NSMCE4A: variants seen among roughly 807,000 people sequenced by gnomAD.
NSMCE4A encodes the protein non-structural maintenance of chromosomes element 4 homolog A.
In NSMCE4A, 40 loss-of-function variants were observed where a neutral mutation model predicts 47.9. That is an observed-to-expected ratio of 0.83 (90% confidence interval 0.65 to 1.09). The LOEUF (loss-of-function observed/expected upper bound fraction) is 1.09, where lower values mean the gene tolerates loss of function less well. Among genes scored for constraint, NSMCE4A ranks in the 50% least tolerant of loss-of-function variants. NSMCE4A has a pLI of 0.00. For synonymous variants in NSMCE4A, 166 were observed against 178.5 expected, an observed-to-expected ratio of 0.93 and a Z score of 0.56; for missense variants, 500 against 507.0, an observed-to-expected ratio of 0.99 and a Z score of 0.13.
chr10:121,972,593 C>G (rs192367501), intron 2 of NSMCE4A, among the ~76,000 whole-genome samples: 1 of 152,098 alleles, frequency 6.6e-6, no homozygotes, highest in Admixed American at 6.5e-5. Flanking sequence ...CTGGAAATAG[C>G]TGAGGGGGGA....
chr10:121,958,000 C>T (rs189583731), intron 10 of NSMCE4A, among the ~76,000 whole-genome samples: 16 of 151,728 alleles, frequency 1.1e-4, no homozygotes, highest in Admixed American at 3.3e-4. Flanking sequence ...GAGGCCGAGG[C>T]GGGCGGACCA....
chr10:121,961,461 T>C lies in NSMCE4A; in HGVS notation c.901A>G (p.Thr301Ala). 1 of 1,580,182 alleles carries C rather than the reference T, an allele frequency of 6.3e-7. No homozygotes were observed. The highest frequency in any genetic ancestry group is 8.5e-7 in the Non-Finnish European group (1 of 1,171,222). The change falls in exon 7 of 11, where the codon ACA (threonine) becomes GCA (alanine). Residue 301 changes from threonine to alanine, a missense_variant. By Grantham distance (58) the Thr-to-Ala change is moderately conservative. Coordinates refer to ENST00000369023, the MANE Select transcript of NSMCE4A (RefSeq NM_017615.3). ...FVVDPHSFPR[T>A]VENIFHVSFI... ...GAAACATGAAAGATGTTTTCCACTG[T>C]ACGGGGGAAAGAATGAGGATCAACC...
At chr10:121,964,964 G>A (rs1335117734) in intron 5 of NSMCE4A, among the ~76,000 whole-genome samples, 1 of 152,128 alleles carries the variant, frequency 6.6e-6, no homozygotes, top group Non-Finnish European at 1.5e-5. Context: ...GCATATAACA[G>A]GTAGAGGCTG....
At chr10:121,970,244 G>A (rs536422020) in intron 3 of NSMCE4A, among the ~76,000 whole-genome samples, 65 of 151,768 alleles carry the variant, frequency 4.3e-4, no homozygotes, top group African/African-American at 1.3e-3. Context: ...AAGCCAAGGC[G>A]GGCAGATCAC....
intron 4 of NSMCE4A, chr10:121,967,298 G>A: frequency 5.7e-6 from 1 of 175,756 alleles, no homozygotes; most frequent in East Asian, 1.6e-4. Context: ...CCAGGCTCAA[G>A]TGATCCTCCC....
At chr10:121,967,920 G>T in intron 3 of NSMCE4A, 114 bp from the exon 4 acceptor site, 1 of 1,046,070 alleles carries the variant, frequency 9.6e-7, no homozygotes, top group Non-Finnish European at 1.4e-6. Flanking sequence ...CCAGCTTTCA[G>T]TGTCTTAACA....
chr10:121,957,437 T>C (rs1172878337), intron 10 of NSMCE4A, among the ~76,000 whole-genome samples, 178 bp from the exon 11 acceptor site: 22 of 119,552 alleles, frequency 1.8e-4, no homozygotes, highest in African/African-American at 3.5e-4. Context: ...TTCTTTTTTT[T>C]TTTTTTTTTT....
At chr10:121,969,710 T>A (rs372796560) in intron 3 of NSMCE4A, among the ~76,000 whole-genome samples, 3 of 152,154 alleles carry the variant, frequency 2.0e-5, no homozygotes, top group Non-Finnish European at 2.9e-5. Context: ...GATTGACAGA[T>A]TGACTGATTG....
intron 2 of NSMCE4A, among the ~76,000 whole-genome samples, chr10:121,971,881 T>C (rs1298121652): frequency 6.6e-6 from 1 of 152,234 alleles, no homozygotes; most frequent in Non-Finnish European, 1.5e-5. Context: ...CTCATGCCTC[T>C]GTATGGCTTC....
At chr10:121,964,145 T>C (rs1176403008) in intron 5 of NSMCE4A, among the ~76,000 whole-genome samples, 13 of 144,772 alleles carry the variant, frequency 9.0e-5, no homozygotes, top group Non-Finnish European at 1.7e-4. Flanking sequence ...TTCAGTAACT[T>C]TTTTTTTTTT....
rs139294636 is a variant in NSMCE4A, at chr10:121,970,939, T to C, written c.501A>G (p.Leu167=). The change falls in exon 3 of 11, where the codon CTA becomes CTG. Residue 167 remains leucine, a splice_region_variant and synonymous_variant. Coordinates refer to ENST00000369023, the MANE Select transcript of NSMCE4A (RefSeq NM_017615.3). ...TCAGAGTCTGTAGCTTTGAACTTAC[T>C]AGAGTTTCAACATATCTTAACATGT... ...SFDMLRYVET[L]LTHMGVNPLE... The C allele has an allele frequency of 2.9e-3, 4,607 of 1,605,776 alleles. 14 individuals are homozygous for C. The highest frequency in any genetic ancestry group is 3.5e-3 in the Non-Finnish European group (4,087 of 1,176,132).
chr10:121,963,272 G>T lies in NSMCE4A; in HGVS notation c.810C>A (p.Ile270=). Reference sequence around the variant, plus strand: ...GAAAATATGTCTGCAACAATCCCAAGATTCTTTCTACTTCTTTCTCTGTTG... The same window carrying T: ...GAAAATATGTCTGCAACAATCCCAATATTCTTTCTACTTCTTTCTCTGTTG... ...QEATEKEVER[I]LGLLQTYFRE... The change falls in exon 6 of 11, where the codon ATC becomes ATA. Residue 270 remains isoleucine (I), a synonymous_variant. Transcript: ENST00000369023. The T allele has an allele frequency of 6.2e-7, 1 of 1,611,804 alleles. No individual in the cohort carries two copies. The highest frequency in any genetic ancestry group is 8.5e-7 in the Non-Finnish European group (1 of 1,178,376).
intron 5 of NSMCE4A, among the ~76,000 whole-genome samples, chr10:121,964,561 C>G (rs550398032): frequency 9.9e-5 from 15 of 152,268 alleles, no homozygotes; most frequent in Admixed American, 3.9e-4. Context: ...CCTGCGTCAG[C>G]CTCCCGAATA....
chr10:121,959,329 G>C lies in NSMCE4A; in HGVS notation c.*7C>G, dbSNP rs1180187802. ...CATCCCATTGAAAAGGTTACCTTCA[G>C]CTAGCATCAAGCACTTGGCTTCTGC... is the stretch of plus-strand genomic sequence containing the variant. On this transcript the variant is annotated 3_prime_UTR_variant, in exon 10 of 11. Coordinates refer to ENST00000369023, the MANE Select transcript of NSMCE4A (RefSeq NM_017615.3). The C allele has an allele frequency of 1.9e-6, 3 of 1,613,350 alleles. No homozygotes were observed. The African/African-American group carries it at 4.0e-5, about 22-fold the overall frequency.
intron 1 of NSMCE4A, 145 bp from the exon 2 acceptor site, chr10:121,974,226 A>G: frequency 1.4e-6 from 2 of 1,400,332 alleles, no homozygotes; most frequent in Non-Finnish European, 1.9e-6. Flanking sequence ...TTTTTAACCA[A>G]AATGACCCGG....
intron 1 of NSMCE4A, chr10:121,974,314 A>T: frequency 7.5e-7 from 1 of 1,325,556 alleles, no homozygotes; most frequent in South Asian, 1.9e-5. Context: ...ACCTTAACCC[A>T]AAGGGCTGGA....
Position 121,965,316 on chromosome 10 carries a change from C to T in NSMCE4A, c.723G>A (p.Val241=), listed in dbSNP as rs1175574802. Reference sequence around the variant, plus strand: ...CAGGCATTGCCCTCTCCTCTTGTATCACAGGAACTTTTCTTGGACGATCAA... The same window carrying T: ...CAGGCATTGCCCTCTCCTCTTGTATTACAGGAACTTTTCTTGGACGATCAA... ...PRVDRPRKVP[V]IQEERAMPAQ... Residue 241 remains valine, a synonymous_variant, in exon 5 of 11, where the codon GTG becomes GTA. Coordinates refer to ENST00000369023, the MANE Select transcript of NSMCE4A (RefSeq NM_017615.3). 5.6e-6 allele frequency: 9 copies of T among 1,613,792 alleles called. No individual in the cohort carries two copies. The highest frequency in any genetic ancestry group is 6.8e-6 in the Non-Finnish European group (8 of 1,179,814).
chr10:121,961,517 G>A lies in NSMCE4A; in HGVS notation c.845C>T (p.Pro282Leu). The change falls in exon 7 of 11, where the codon CCT (proline) becomes CTT (leucine). Residue 282 changes from proline (P) to leucine (L), a missense_variant and splice_region_variant. By Grantham distance (98) the Pro-to-Leu change is moderately conservative. Coordinates refer to ENST00000369023, the MANE Select transcript of NSMCE4A (RefSeq NM_017615.3). The part of the protein sequence containing the change: ...GLLQTYFRED[P>L]DTPMSFFDFV... ...GTCAAAGAAGGACATTGGGGTATCA[G>A]CTATAGACAAAAAGAGAAAAAAAAA... 1 of 1,545,908 alleles carries A rather than the reference G, an allele frequency of 6.5e-7. No individual in the cohort carries two copies. Among genetic ancestry groups the A allele is most frequent in the Non-Finnish European group, 8.6e-7 (1 of 1,156,106 alleles).
chr10:121,972,638 G>C (rs1952737153), intron 2 of NSMCE4A, among the ~76,000 whole-genome samples: 1 of 152,152 alleles, frequency 6.6e-6, no homozygotes, highest in Non-Finnish European at 1.5e-5. Context: ...TAGATGCACA[G>C]TAAATATCAA....
Sources: allele counts gnomAD v4.1 joint callset (sites outside exome capture counted in the v4.1 genomes callset), GRCh38; gene constraint gnomAD v4.1.1; transcripts MANE v1.5; gene names NCBI Gene and HGNC (gene_info 2026-07-23, HGNC 2026-07-21).